FARP1: variants seen among roughly 807,000 people sequenced by gnomAD.
FARP1 encodes FERM, ARH/RhoGEF and pleckstrin domain protein 1.
A neutral mutation model predicts 128.8 loss-of-function variants in FARP1; 52 were observed. That is an observed-to-expected ratio of 0.40 (90% CI 0.32 to 0.51). The LOEUF is 0.51. FARP1 is among the 20% of genes least tolerant of loss of function. The pLI is 0.45. For synonymous variants in FARP1, 580 were observed against 551.8 expected, an observed-to-expected ratio of 1.05 and a Z score of -0.72; for missense variants, 1,333 against 1,367.9, an observed-to-expected ratio of 0.97 and a Z score of 0.40.
At chr13:98,303,398 A>C (rs1886001873) in intron 2 of FARP1, among the ~76,000 whole-genome samples, 1 of 152,258 alleles carries the variant, frequency 6.6e-6, no homozygotes. Flanking sequence ...ATGTACATCT[A>C]CTTCAGTAAA....
In FARP1 at chr13:98,314,335, A is replaced by T. The variant is rs1470022988; in HGVS notation, c.172-29427A>T. On this transcript the variant is annotated intron_variant, in intron 2 of 26. Coordinates refer to ENST00000319562, the MANE Select transcript of FARP1 (RefSeq NM_005766.4). ...TTGCTTTGTCGCCAGGCTGGAGTGCACTGGCGCAATCTCGGCTCACTGCAA... is the reference window on the plus strand; with the variant it reads ...TTGCTTTGTCGCCAGGCTGGAGTGCTCTGGCGCAATCTCGGCTCACTGCAA... Among the ~76,000 whole-genome samples the T allele has an allele frequency of 5.7e-5, 7 of 122,324 alleles. No individual in the cohort carries two copies. The Admixed American group carries it at 8.3e-4, about 15-fold the overall frequency. 80.2% of individuals were successfully genotyped at this position (122,324 alleles called of 152,430 possible). A position where few individuals can be genotyped will look rare whatever the true frequency, so the allele number is the denominator to read the frequency against.
At chr13:98,364,060 C>CT (rs1486392672) in intron 3 of FARP1, among the ~76,000 whole-genome samples, 1 of 152,152 alleles carries the variant, frequency 6.6e-6, no homozygotes, top group African/African-American at 2.4e-5. Flanking sequence ...TTTTTAATGC[C>CT]TGCATGGTAA....
In FARP1 at chr13:98,438,183, C is replaced by T. The variant is rs556575827; in HGVS notation, c.2275-621C>T. Among the ~76,000 whole-genome samples the T allele has an allele frequency of 3.3e-5, 5 of 152,238 alleles. 1 individual carries two copies. Among genetic ancestry groups the T allele is most frequent in the South Asian group, 4.1e-4 (2 of 4,828 alleles). ...GTACAGCCCCGGGGAGGATGTCACTCGGGAGGCAGAGGTGCCTTGGACACA... is the reference window on the plus strand; with the variant it reads ...GTACAGCCCCGGGGAGGATGTCACTTGGGAGGCAGAGGTGCCTTGGACACA... On this transcript the variant is annotated intron_variant, in intron 19 of 26. Coordinates refer to ENST00000319562, the MANE Select transcript of FARP1 (RefSeq NM_005766.4).
intron 2 of FARP1, among the ~76,000 whole-genome samples, chr13:98,320,844 G>A (rs1206541929): frequency 6.6e-6 from 1 of 152,126 alleles, no homozygotes; most frequent in Admixed American, 6.6e-5. Flanking sequence ...GACAATTGCT[G>A]TTGTTGGCAT....
intron 16 of FARP1, among the ~76,000 whole-genome samples, chr13:98,421,708 T>C (rs1429129610): frequency 6.6e-6 from 1 of 151,774 alleles, no homozygotes; most frequent in Non-Finnish European, 1.5e-5. Context: ...AACAAACAAA[T>C]TAGCTGGGAT....
intron 13 of FARP1, chr13:98,402,945 AT>A (rs1190413730): frequency 6.6e-6 from 1 of 152,158 alleles, no homozygotes; most frequent in East Asian, 1.9e-4. Context: ...TTGGGAAAAC[AT>A]TTTCCGTTGT....
intron 2 of FARP1, among the ~76,000 whole-genome samples, chr13:98,275,875 T>C (rs1263905953): frequency 2.6e-5 from 4 of 152,238 alleles, no homozygotes; most frequent in Admixed American, 6.5e-5. Context: ...AAATATTCTT[T>C]TCATGCATTG....
At chr13:98,150,900 A>G (rs946580028) in intron 1 of FARP1, among the ~76,000 whole-genome samples, 2 of 152,038 alleles carry the variant, frequency 1.3e-5, no homozygotes. Flanking sequence ...ATGGGAAAAA[A>G]TGTTTTTGAA....
intron 25 of FARP1, 124 bp from the exon 26 acceptor site, chr13:98,446,542 C>A: frequency 1.0e-6 from 1 of 994,200 alleles, no homozygotes; most frequent in South Asian, 1.5e-5. Flanking sequence ...TGGTCCCTTC[C>A]AGGCCCACGC....
At chr13:98,168,200 A>AT (rs1254555153) in intron 1 of FARP1, among the ~76,000 whole-genome samples, 3 of 152,036 alleles carry the variant, frequency 2.0e-5, no homozygotes, top group African/African-American at 7.2e-5. Flanking sequence ...AAATAAATAA[A>AT]AAAGTTTTGG....
intron 1 of FARP1, among the ~76,000 whole-genome samples, chr13:98,171,240 A>G (rs1334028720): frequency 2.0e-5 from 3 of 152,092 alleles, no homozygotes; most frequent in Admixed American, 1.3e-4. Flanking sequence ...GTGAGTTTCT[A>G]ATTTTCCTGG....
At chr13:98,362,066 C>T (rs1199642491) in intron 3 of FARP1, among the ~76,000 whole-genome samples, 1 of 152,142 alleles carries the variant, frequency 6.6e-6, no homozygotes, top group Admixed American at 6.5e-5. Context: ...GATTTCGAGA[C>T]CAGCCTGGGC....
At chr13:98,398,473 G>A (rs754983683) in intron 13 of FARP1, 1 of 152,086 alleles carries the variant, frequency 6.6e-6, no homozygotes, top group Admixed American at 6.5e-5. Context: ...CTGTAACCTC[G>A]TCTCTAGGCT....
chr13:98,183,522 C>T (rs1255134832), intron 1 of FARP1, among the ~76,000 whole-genome samples: 3 of 152,180 alleles, frequency 2.0e-5, no homozygotes, highest in Non-Finnish European at 4.4e-5. Context: ...CTTAAGGGTC[C>T]ACGCTTGGAC....
At chr13:98,285,842 G>A (rs1323773493) in intron 2 of FARP1, among the ~76,000 whole-genome samples, 2 of 152,158 alleles carry the variant, frequency 1.3e-5, no homozygotes, top group African/African-American at 4.8e-5. Flanking sequence ...CTTGACAGGA[G>A]TCAGTATTTG....
intron 3 of FARP1, among the ~76,000 whole-genome samples, chr13:98,358,966 G>C (rs1467700021): frequency 6.6e-6 from 1 of 152,180 alleles, no homozygotes; most frequent in Non-Finnish European, 1.5e-5. Flanking sequence ...GTCAACTGCA[G>C]AAAGACTAAT....
chr13:98,295,104 C>CACACAT (rs1311993898), intron 2 of FARP1, among the ~76,000 whole-genome samples: 1 of 25,500 alleles, frequency 3.9e-5, no homozygotes, highest in Non-Finnish European at 8.8e-5. Context: ...CACACACACA[C>CACACAT]ATATATCCCC....
intron 1 of FARP1, among the ~76,000 whole-genome samples, chr13:98,207,907 T>TCC (rs1566740966): frequency 3.0e-5 from 1 of 33,150 alleles, no homozygotes; most frequent in Non-Finnish European, 6.0e-5. Flanking sequence ...GACCACCACC[T>TCC]CCACACACAC....
rs541435527 is a variant in FARP1, at chr13:98,278,911, C to T, written c.172-64851C>T. Among the ~76,000 whole-genome samples the T allele has an allele frequency of 2.6e-5, 4 of 152,082 alleles. No individual in the cohort carries two copies. The South Asian group carries it at 8.3e-4, about 32-fold the overall frequency. On this transcript the variant is annotated intron_variant, in intron 2 of 26. Transcript: ENST00000319562. ...TGCGATCTCGGCTCACTGCAACCTC[C>T]GCCTCCCGGGTTCATGCCATTCTCC... is the stretch of plus-strand genomic sequence containing the variant.
Sources: gnomAD v4.1 joint callset for allele counts (sites outside exome capture counted in the v4.1 genomes callset) on GRCh38, gnomAD v4.1.1 for gene constraint, MANE v1.5 for transcripts, NCBI Gene and HGNC (gene_info 2026-07-23, HGNC 2026-07-21) for gene names.